Variants in ARID3A observed in about 807,000 individuals in gnomAD.
ARID3A encodes the protein AT-rich interaction domain 3A.
A neutral mutation model predicts 52.7 loss-of-function variants in ARID3A; 11 were observed. The ratio of observed to expected loss-of-function variants is 0.21; its 90% CI spans 0.13 to 0.35. The LOEUF is 0.35. Among genes scored for constraint, ARID3A ranks in the 10% least tolerant of loss-of-function variants. The pLI, the probability that ARID3A is intolerant of heterozygous loss-of-function variation, is 1.00. For synonymous variants in ARID3A, 404 were observed against 359.4 expected, an observed-to-expected ratio of 1.12 and a Z score of -1.40; for missense variants, 721 against 838.5, an observed-to-expected ratio of 0.86 and a Z score of 1.73.
intron 1 of ARID3A, among the ~76,000 whole-genome samples, chr19:927,554 G>A (rs1488421973): frequency 2.0e-5 from 3 of 151,296 alleles, no homozygotes; most frequent in Admixed American, 6.6e-5. Flanking sequence ...TTCCTTCTGT[G>A]CCCCCAAAGA....
chr19:932,793 T>C (rs1392664047), intron 3 of ARID3A, 51 bp downstream of exon 3: 1 of 1,543,246 alleles, frequency 6.5e-7, no homozygotes. Flanking sequence ...CCTGGGCCAG[T>C]GGGGCCCTTT....
At chr19:933,340 G>A (rs1048448445) in intron 3 of ARID3A, among the ~76,000 whole-genome samples, 1 of 152,160 alleles carries the variant, frequency 6.6e-6, no homozygotes, top group Non-Finnish European at 1.5e-5. Context: ...AGTAGGGGCC[G>A]CCCCAGCCTT....
chr19:928,756 G>A (rs1190761730), intron 1 of ARID3A: 1 of 152,300 alleles, frequency 6.6e-6, no homozygotes, highest in Admixed American at 6.5e-5. Context: ...GTCCAGAGAA[G>A]TTGTGGCTTG....
rs1179033854 is a variant in ARID3A at position 974,431 on chromosome 19, C to T, written c.*2366C>T. Reference sequence around the variant, plus strand: ...CTCGCAGAACCACCTGGACTCTGTCCGTGTCTGTCCCCCGGCCTCCAGGGC... The same window carrying T: ...CTCGCAGAACCACCTGGACTCTGTCTGTGTCTGTCCCCCGGCCTCCAGGGC... On this transcript the variant is annotated 3_prime_UTR_variant, in exon 9 of 9. Coordinates refer to ENST00000263620, the MANE Select transcript of ARID3A (RefSeq NM_005224.3). 4 of 230,972 alleles carry T rather than the reference C, an allele frequency of 1.7e-5. No homozygotes were observed. Among genetic ancestry groups the T allele is most frequent in the African/African-American group, 2.2e-5 (1 of 45,284 alleles). 14.3% of individuals were successfully genotyped at this position (230,972 alleles called of 1,614,324 possible). A position where few individuals can be genotyped will look rare whatever the true frequency, so the allele number is the denominator to read the frequency against.
intron 1 of ARID3A, chr19:928,234 C>T (rs1267528967): frequency 2.0e-5 from 3 of 152,292 alleles, no homozygotes; most frequent in African/African-American, 7.2e-5. Flanking sequence ...ATGTGCCTTC[C>T]CTCTGGGGTG....
rs781338796 is a variant in ARID3A at position 966,576 on chromosome 19, G to A, written c.1203G>A (p.Glu401=). 2 of 1,543,838 alleles carry A rather than the reference G, an allele frequency of 1.3e-6. No individual in the cohort carries two copies. Among genetic ancestry groups the A allele is most frequent in the Middle Eastern group, 1.8e-4 (1 of 5,710 alleles). The part of the protein sequence containing the change: ...ITPAPKIKKE[E]DSAIPITVPG... ...TTCCCCTTTTTTCCTACCTAGAGGA[G>A]GACTCAGCCATCCCCATCACAGTCC... The change falls in exon 7 of 9, where the codon GAG becomes GAA. Residue 401 remains glutamate, a synonymous_variant. Transcript: ENST00000263620.
In ARID3A at chr19:932,463, G is replaced by C. The variant is rs1408886070; in HGVS notation, c.414G>C (p.Glu138Asp). 1 of 1,584,994 alleles carries C rather than the reference G, an allele frequency of 6.3e-7. No individual in the cohort carries two copies. Among genetic ancestry groups the C allele is most frequent in the Non-Finnish European group, 8.5e-7 (1 of 1,172,274 alleles). Residue 138 changes from glutamate (E) to aspartate (D), a missense_variant, in exon 3 of 9, where the codon GAG (glutamate) becomes GAC (aspartate). Glu to Asp is a conservative substitution (Grantham distance 45, BLOSUM62 2). Transcript: ENST00000263620. ...EEEEMEEDLG[E>D]DEEEEEEDYE... is the part of the protein sequence containing the mutation. Reference sequence around the variant, plus strand: ...AGGAGATGGAGGAAGACCTCGGGGAGGATGAGGAGGAGGAGGAGGAGGATT... The same window carrying C: ...AGGAGATGGAGGAAGACCTCGGGGACGATGAGGAGGAGGAGGAGGAGGATT...
rs374272985 is a variant in ARID3A, at chr19:971,973, C to A, written c.1690C>A (p.Arg564=). 1.9e-6 allele frequency: 3 copies of A among 1,602,206 alleles called. No homozygotes were observed. The African/African-American group carries it at 4.1e-5, about 22-fold the overall frequency. Reference sequence around the variant, plus strand: ...CGGCAGCAGCAGCAACGCAGGCGGCCGGGGAGGAAACACCGGAACCAGCGG... The same window carrying A: ...CGGCAGCAGCAGCAACGCAGGCGGCAGGGGAGGAAACACCGGAACCAGCGG... The part of the protein sequence containing the change: ...GGGSSSNAGG[R]GGNTGTSGGQ... Residue 564 remains arginine, a synonymous_variant, in exon 9 of 9, where the codon CGG becomes AGG. Transcript: ENST00000263620.
At chr19:969,604 A>G (rs1367833290) in intron 8 of ARID3A, among the ~76,000 whole-genome samples, 2 of 151,422 alleles carry the variant, frequency 1.3e-5, no homozygotes, top group Non-Finnish European at 2.9e-5. Context: ...ATAGATATAT[A>G]TAGATTAGAT....
At chr19:949,520 C>G (rs2037761286) in intron 3 of ARID3A, among the ~76,000 whole-genome samples, 1 of 152,032 alleles carries the variant, frequency 6.6e-6, no homozygotes, top group South Asian at 2.1e-4. Flanking sequence ...CTTTCTTTTC[C>G]TTCTTCCTCC....
rs1269744401 is a variant in ARID3A, at chr19:942,663, G to A, written c.693+9921G>A. On this transcript the variant is annotated intron_variant, in intron 3 of 8. Coordinates refer to ENST00000263620, the MANE Select transcript of ARID3A (RefSeq NM_005224.3). The surrounding 1 kb of genome is among the most constrained non-coding windows in gnomAD (Gnocchi z 8.1). ...GTAGGTGGAGGCCGCCCCTCCCACT[G>A]CCCCGCAGGCCCTGGTTCTGGCCAG... Among the ~76,000 whole-genome samples, 1 of 152,162 alleles carries A rather than the reference G, an allele frequency of 6.6e-6. No individual in the cohort carries two copies. The highest frequency in any genetic ancestry group is 2.4e-5 in the African/African-American group (1 of 41,432).
chr19:965,309 G>A (rs988585460), intron 6 of ARID3A: 3 of 552,262 alleles, frequency 5.4e-6, no homozygotes, highest in Admixed American at 6.8e-5. Context: ...TAATCAATCT[G>A]TGTTTCCAGT....
chr19:934,784 T>C (rs1694680585), intron 3 of ARID3A, among the ~76,000 whole-genome samples: 1 of 152,110 alleles, frequency 6.6e-6, no homozygotes, highest in Admixed American at 6.5e-5. Context: ...GTGACTTTTT[T>C]TTCTCTAGAG....
At position 944,657 on chromosome 19, in the gene ARID3A, G is replaced by A. The variant is rs749229442; in HGVS notation, c.693+11915G>A. On this transcript the variant is annotated intron_variant, in intron 3 of 8. Coordinates refer to ENST00000263620, the MANE Select transcript of ARID3A (RefSeq NM_005224.3). This position sits in a 1 kb window ranked among gnomAD's most constrained non-coding sequence, Gnocchi z 5.9. ...GGGGTGGATTTTGAGACAGGGTCTC[G>A]TGCTGTCACCCAGGCTGGAGTGCCG... 1.3e-5 allele frequency among the ~76,000 whole-genome samples: 2 copies of A among 152,144 alleles called. No individual in the cohort carries two copies. The highest frequency in any genetic ancestry group is 2.1e-4 in the South Asian group (1 of 4,826).
At chr19:958,853 C>G (rs111287086) in intron 3 of ARID3A, among the ~76,000 whole-genome samples, 1 of 151,692 alleles carries the variant, frequency 6.6e-6, no homozygotes, top group South Asian at 2.1e-4. Context: ...AGATTGCACC[C>G]CTGCACTCCA....
At chr19:967,341 G>T (rs1193437981) in intron 7 of ARID3A, among the ~76,000 whole-genome samples, 1 of 152,188 alleles carries the variant, frequency 6.6e-6, no homozygotes, top group East Asian at 1.9e-4. Flanking sequence ...GCTGAAATGG[G>T]AGGATTGCTT....
At position 975,406 on chromosome 19, in the gene ARID3A, G is replaced by A; in HGVS notation, c.*3341G>A. On this transcript the variant is annotated 3_prime_UTR_variant, in exon 9 of 9. Transcript: ENST00000263620. Reference sequence around the variant, plus strand: ...GGTCGTTGTTAAGGGTCACGCATCTGTACAGTTGAATTTCCTTTCTCTTAT... The same window carrying A: ...GGTCGTTGTTAAGGGTCACGCATCTATACAGTTGAATTTCCTTTCTCTTAT... The A allele has an allele frequency of 4.3e-6, 1 of 231,772 alleles. No homozygotes were observed. The highest frequency in any genetic ancestry group is 8.5e-6 in the Non-Finnish European group (1 of 117,090). 14.4% of individuals were successfully genotyped at this position (231,772 alleles called of 1,614,324 possible).
chr19:929,672 G>A lies in ARID3A; in HGVS notation c.144G>A (p.Glu48=). 1 of 1,554,066 alleles carries A rather than the reference G, an allele frequency of 6.4e-7. No homozygotes were observed. The highest frequency in any genetic ancestry group is 2.3e-5 in the East Asian group (1 of 42,574). The part of the protein sequence containing the change: ...RARAAPDEDR[E]PESARMQRAQ... ...GGGCTGCCCCCGACGAGGACAGAGAGCCCGAGAGTGCCCGGATGCAGCGGG... is the reference window on the plus strand; with the variant it reads ...GGGCTGCCCCCGACGAGGACAGAGAACCCGAGAGTGCCCGGATGCAGCGGG... The change falls in exon 2 of 9, where the codon GAG becomes GAA. Residue 48 remains glutamate (E), a synonymous_variant. Coordinates refer to ENST00000263620, the MANE Select transcript of ARID3A (RefSeq NM_005224.3). The surrounding 1 kb of genome is among the most constrained non-coding windows in gnomAD (Gnocchi z 6.2).
chr19:957,639 G>A (rs966150516), intron 3 of ARID3A, among the ~76,000 whole-genome samples: 3 of 152,148 alleles, frequency 2.0e-5, no homozygotes, highest in South Asian at 4.1e-4. Flanking sequence ...CCAGGAGGTC[G>A]AGACCAGCCA....
Sources: allele counts gnomAD v4.1 joint callset (sites outside exome capture counted in the v4.1 genomes callset), GRCh38; gene constraint gnomAD v4.1.1; non-coding constraint Gnocchi (gnomAD v3.1); transcripts MANE v1.5; gene names NCBI Gene and HGNC (gene_info 2026-07-23, HGNC 2026-07-21).